The following WFDC10B variants were observed in gnomAD, a reference collection of about 807,000 sequenced individuals.
WFDC10B encodes WAP four-disulfide core domain 10B, also known as protein WFDC10B.
A neutral mutation model predicts 2.7 loss-of-function variants in WFDC10B; 1 was observed. The observed-to-expected ratio is 0.38, with a 90% confidence interval of 0.13 to 1.79. The LOEUF is 1.79. Among genes scored for constraint, WFDC10B ranks in the 40% most tolerant of loss-of-function variants. The probability of loss-of-function intolerance (pLI) is 0.33; values close to 1 mark genes in which losing one functional copy is unlikely to be tolerated. For missense variants in WFDC10B, 71 were observed against 87.8 expected, an observed-to-expected ratio of 0.81 and a Z score of 0.76; for synonymous variants, 26 against 32.2, an observed-to-expected ratio of 0.81 and a Z score of 0.65.
chr20:45,685,813 G>C (rs999754396), intron 3 of WFDC10B, 89 bp downstream of exon 3: 2 of 1,543,842 alleles, frequency 1.3e-6, no homozygotes, highest in Non-Finnish European at 1.8e-6. Context: ...CAGAAAGGTT[G>C]CAAGTCCTAG....
chr20:45,693,457 T>C (rs983143181), intron 2 of WFDC10B, among the ~76,000 whole-genome samples: 1 of 152,224 alleles, frequency 6.6e-6, no homozygotes. Context: ...CAGGCAGGCC[T>C]CCTTGAGCTG....
intron 2 of WFDC10B, among the ~76,000 whole-genome samples, chr20:45,700,098 G>A (rs1464390507): frequency 6.6e-6 from 1 of 152,114 alleles, no homozygotes; most frequent in African/African-American, 2.4e-5. Context: ...GCAAAATCTT[G>A]GAAACTACCT....
At chr20:45,704,649 CAGA>C in intron 1 of WFDC10B, 88 bp from the exon 2 acceptor site, 3 of 1,591,656 alleles carry the variant, frequency 1.9e-6, no homozygotes, top group Non-Finnish European at 2.6e-6. Flanking sequence ...GGGAGCCCAG[CAGA>C]AGAGTCCCTT....
At chr20:45,691,907 A>G (rs959954327) in intron 2 of WFDC10B, among the ~76,000 whole-genome samples, 1 of 152,154 alleles carries the variant, frequency 6.6e-6, no homozygotes, top group Admixed American at 6.5e-5. Context: ...TTTGCTTGTT[A>G]GTTGATGCAG....
chr20:45,696,916 C>T (rs1315245516), intron 2 of WFDC10B, among the ~76,000 whole-genome samples: 2 of 151,972 alleles, frequency 1.3e-5, no homozygotes, highest in Non-Finnish European at 2.9e-5. Flanking sequence ...CAAAATTCAC[C>T]ACCCTTCTAT....
chr20:45,689,036 T>A (rs887161662), intron 2 of WFDC10B, among the ~76,000 whole-genome samples: 17 of 150,218 alleles, frequency 1.1e-4, no homozygotes, highest in Non-Finnish European at 2.2e-4. Flanking sequence ...AAGGAAGGGA[T>A]CCAGTTTCAG....
At chr20:45,692,828 T>C (rs950332256) in intron 2 of WFDC10B, among the ~76,000 whole-genome samples, 2 of 152,234 alleles carry the variant, frequency 1.3e-5, no homozygotes, top group Admixed American at 6.5e-5. Context: ...TCTCTCAACT[T>C]GTCAAAGTCA....
intron 2 of WFDC10B, among the ~76,000 whole-genome samples, chr20:45,699,085 C>A (rs1376656833): frequency 1.3e-5 from 2 of 152,068 alleles, no homozygotes; most frequent in Non-Finnish European, 2.9e-5. Flanking sequence ...GATACCACTT[C>A]ACATTTTTTG....
At chr20:45,689,704 T>C (rs908495812) in intron 2 of WFDC10B, among the ~76,000 whole-genome samples, 1 of 152,192 alleles carries the variant, frequency 6.6e-6, no homozygotes, top group African/African-American at 2.4e-5. Flanking sequence ...ATCCTGAGAC[T>C]TTGCTGAAGT....
intron 1 of WFDC10B, 113 bp downstream of exon 1, chr20:45,704,805 C>T: frequency 1.5e-6 from 2 of 1,311,620 alleles, no homozygotes; most frequent in South Asian, 2.5e-5. Flanking sequence ...CACCACATCC[C>T]ATCACCATAT....
At chr20:45,693,042 A>G (rs1258842591) in intron 2 of WFDC10B, among the ~76,000 whole-genome samples, 1 of 152,114 alleles carries the variant, frequency 6.6e-6, no homozygotes, top group Non-Finnish European at 1.5e-5. Flanking sequence ...TTTTCCTTCT[A>G]ACAGACAGGA....
intron 2 of WFDC10B, among the ~76,000 whole-genome samples, chr20:45,688,840 T>A (rs1983714358): frequency 6.6e-6 from 1 of 152,208 alleles, no homozygotes; most frequent in African/African-American, 2.4e-5. Context: ...AGCTCTTTAG[T>A]TTAATTAGAT....
At chr20:45,701,256 T>G (rs1984146175) in intron 2 of WFDC10B, among the ~76,000 whole-genome samples, 1 of 152,126 alleles carries the variant, frequency 6.6e-6, no homozygotes, top group African/African-American at 2.4e-5. Flanking sequence ...AGGTTCTGAG[T>G]CCTACATTGA....
intron 2 of WFDC10B, chr20:45,702,243 G>C: frequency 6.3e-7 from 1 of 1,588,464 alleles, no homozygotes; most frequent in Non-Finnish European, 8.6e-7. Context: ...AAGGAGGGAA[G>C]TAACATGTGT....
intron 2 of WFDC10B, among the ~76,000 whole-genome samples, chr20:45,689,194 A>C (rs1032583928): frequency 2.0e-5 from 3 of 150,528 alleles, no homozygotes; most frequent in Non-Finnish European, 4.4e-5. Flanking sequence ...TGTTCCATTG[A>C]TCTATATCTC....
At chr20:45,694,411 G>A (rs888712438) in intron 2 of WFDC10B, among the ~76,000 whole-genome samples, 1 of 152,110 alleles carries the variant, frequency 6.6e-6, no homozygotes, top group Non-Finnish European at 1.5e-5. Flanking sequence ...TACACATTGT[G>A]TCAAATATTG....
At chr20:45,688,124 G>A (rs1469870320) in intron 2 of WFDC10B, among the ~76,000 whole-genome samples, 2 of 148,918 alleles carry the variant, frequency 1.3e-5, no homozygotes, top group East Asian at 4.0e-4. Flanking sequence ...AATATGCGGT[G>A]TTTGGTTTTT....
At chr20:45,696,013 G>A (rs143015238) in intron 2 of WFDC10B, among the ~76,000 whole-genome samples, 145 of 151,324 alleles carry the variant, frequency 9.6e-4, no homozygotes, top group East Asian at 2.3e-3. Context: ...ACGGCCAGGC[G>A]CAGTGGCTCA....
intron 2 of WFDC10B, among the ~76,000 whole-genome samples, chr20:45,695,804 A>G (rs1983958177): frequency 6.6e-6 from 1 of 151,588 alleles, no homozygotes; most frequent in African/African-American, 2.4e-5. Context: ...TGGCAACATA[A>G]AAAGACCCTG....
Sources: gnomAD v4.1 joint callset for allele counts (sites outside exome capture counted in the v4.1 genomes callset) on GRCh38, gnomAD v4.1.1 for gene constraint, MANE v1.5 for transcripts, NCBI Gene and HGNC (gene_info 2026-07-23, HGNC 2026-07-21) for gene names.